RXYLT1: variants seen among roughly 807,000 people sequenced by gnomAD.
RXYLT1 encodes ribitol xylosyltransferase 1.
RXYLT1 carries 41 observed loss-of-function variants against 43.5 expected under a neutral mutation model. The observed-to-expected ratio is 0.94, with a 90% CI of 0.73 to 1.22. The LOEUF (loss-of-function observed/expected upper bound fraction) is 1.22, where lower values mean the gene tolerates loss of function less well. Among genes scored for constraint, RXYLT1 ranks in the 50% most tolerant of loss-of-function variants. The pLI, the probability that RXYLT1 is intolerant of heterozygous loss-of-function variation, is 0.00. For missense variants in RXYLT1, 514 were observed against 532.0 expected (o/e 0.97, Z 0.33); for synonymous variants, 166 against 194.4 (o/e 0.85, Z 1.21).
rs1340087199 is a variant in RXYLT1 at position 63,809,082 on chromosome 12, A to G, written c.1322A>G (p.Asn441Ser). ...TTAGAAAGCTCATTTTTAATGAATAATAAAAGTTAATTATCTTTTTGAGCT... is the reference window on the plus strand; with the variant it reads ...TTAGAAAGCTCATTTTTAATGAATAGTAAAAGTTAATTATCTTTTTGAGCT... ...NILESSFLMN[N>S]KS The change falls in exon 6 of 6, where the codon AAT becomes AGT. Residue 441 changes from asparagine (N) to serine (S), a missense_variant. Asn to Ser is a conservative substitution (Grantham distance 46). Coordinates refer to ENST00000261234, the MANE Select transcript of RXYLT1 (RefSeq NM_014254.3). 12 of 1,510,698 alleles carry G rather than the reference A, an allele frequency of 7.9e-6. No homozygotes were observed. The highest frequency in any genetic ancestry group is 1.1e-5 in the Non-Finnish European group (12 of 1,117,484). The allele number at this position is 1,510,698 out of a possible 1,614,324, so 93.6% of individuals were successfully genotyped here.
chr12:63,789,792 T>C (rs1289238574), intron 3 of RXYLT1, among the ~76,000 whole-genome samples: 1 of 152,220 alleles, frequency 6.6e-6, no homozygotes, highest in African/African-American at 2.4e-5. Context: ...CCAAAATTAA[T>C]AAACTTTTAT....
intron 3 of RXYLT1, among the ~76,000 whole-genome samples, chr12:63,798,641 G>C (rs1460365505): frequency 6.6e-6 from 1 of 152,176 alleles, no homozygotes; most frequent in Non-Finnish European, 1.5e-5. Context: ...GTTCAAAGCA[G>C]TACAGTTTCA....
chr12:63,802,237 A>G lies in RXYLT1; in HGVS notation c.575A>G (p.Lys192Arg). The G allele has an allele frequency of 6.2e-7, 1 of 1,614,078 alleles. No individual in the cohort carries two copies. The highest frequency in any genetic ancestry group is 8.5e-7 in the Non-Finnish European group (1 of 1,180,016). The change falls in exon 4 of 6, where the codon AAA becomes AGA. Residue 192 changes from lysine (K) to arginine (R), a missense_variant. By Grantham distance (26) the Lys-to-Arg change is conservative. Transcript: ENST00000261234. ...LYAQNLVQIQ[K>R]LQHLAVVLLG... Reference sequence around the variant, plus strand: ...GCACAAAATTTAGTGCAAATTCAAAAACTCCAGCATCTTGCTGTTGTTTTG... The same window carrying G: ...GCACAAAATTTAGTGCAAATTCAAAGACTCCAGCATCTTGCTGTTGTTTTG...
chr12:63,800,067 T>A (rs542754749), intron 3 of RXYLT1, among the ~76,000 whole-genome samples: 23 of 152,346 alleles, frequency 1.5e-4, no homozygotes, highest in African/African-American at 5.5e-4. Flanking sequence ...ATAAATCATA[T>A]GGTACATGCA....
Position 63,802,201 on chromosome 12 carries a change from G to A in RXYLT1, c.539G>A (p.Trp180Ter). ...EKAKIFYATQ[W>*]LLYAQNLVQI... The stretch of plus-strand genomic sequence containing the variant: ...GCAAAGATCTTTTATGCCACCCAGT[G>A]GTTACTTTATGCACAAAATTTAGTG... Residue 180 changes from tryptophan (W) to a stop codon, truncating the protein, a stop_gained, in exon 4 of 6, where the codon TGG becomes TAG. Coordinates refer to ENST00000261234, the MANE Select transcript of RXYLT1 (RefSeq NM_014254.3). LOFTEE classifies it high-confidence loss of function. The A allele has an allele frequency of 6.2e-7, 1 of 1,614,026 alleles. No individual in the cohort carries two copies. Among genetic ancestry groups the A allele is most frequent in the South Asian group, 1.1e-5 (1 of 91,068 alleles).
intron 3 of RXYLT1, among the ~76,000 whole-genome samples, chr12:63,792,821 CT>C (rs1289113480): frequency 6.6e-5 from 10 of 152,168 alleles, no homozygotes; most frequent in Non-Finnish European, 1.3e-4. Flanking sequence ...ATGGTCCTCC[CT>C]TTAACATGAT....
chr12:63,802,215 C>T lies in RXYLT1; in HGVS notation c.553C>T (p.Gln185Ter). The T allele has an allele frequency of 6.2e-7, 1 of 1,614,052 alleles. No homozygotes were observed. Among genetic ancestry groups the T allele is most frequent in the Non-Finnish European group, 8.5e-7 (1 of 1,179,998 alleles). Reference sequence around the variant, plus strand: ...TGCCACCCAGTGGTTACTTTATGCACAAAATTTAGTGCAAATTCAAAAACT... The same window carrying T: ...TGCCACCCAGTGGTTACTTTATGCATAAAATTTAGTGCAAATTCAAAAACT... ...FYATQWLLYA[Q>*]NLVQIQKLQH... The change falls in exon 4 of 6, where the codon CAA (glutamine) becomes TAA (stop). Residue 185 changes from glutamine to a stop codon, truncating the protein, a stop_gained. Coordinates refer to ENST00000261234, the MANE Select transcript of RXYLT1 (RefSeq NM_014254.3). LOFTEE classifies it high-confidence loss of function.
In RXYLT1 at chr12:63,780,136, C is replaced by G. The variant is rs1897641040; in HGVS notation, c.169+7C>G. The stretch of plus-strand genomic sequence containing the variant: ...CGGGAGAGACGCGGCCGAGGTAGGA[C>G]TGGGTCGGCGGCTTCCTTCCGGCTC... On this transcript the variant is annotated splice_region_variant and intron_variant, in intron 1 of 5. Coordinates refer to ENST00000261234, the MANE Select transcript of RXYLT1 (RefSeq NM_014254.3). The G allele has an allele frequency of 2.0e-6, 3 of 1,477,530 alleles. No homozygotes were observed. The highest frequency in any genetic ancestry group is 3.6e-4 in the Middle Eastern group (2 of 5,490). The allele number at this position is 1,477,530 out of a possible 1,614,324, so 91.5% of individuals were successfully genotyped here. A position where few individuals can be genotyped will look rare whatever the true frequency, so the allele number is the denominator to read the frequency against.
intron 3 of RXYLT1, among the ~76,000 whole-genome samples, chr12:63,785,630 A>G (rs1025194503): frequency 1.5e-4 from 23 of 152,054 alleles, no homozygotes; most frequent in Non-Finnish European, 3.1e-4. Context: ...CTATGACTGC[A>G]TATTTTCTGA....
chr12:63,796,882 A>G lies in RXYLT1; in HGVS notation c.429-5209A>G, dbSNP rs1422167283. Among the ~76,000 whole-genome samples the G allele has an allele frequency of 2.0e-5, 3 of 152,080 alleles. No individual in the cohort carries two copies. The South Asian group carries it at 6.2e-4, about 32-fold the overall frequency. Reference sequence around the variant, plus strand: ...ACTGCAATAGTCCTGTCGATAAAAAAAAGAAGAAATTGAGAAAATAAAAAA... The same window carrying G: ...ACTGCAATAGTCCTGTCGATAAAAAGAAGAAGAAATTGAGAAAATAAAAAA... On this transcript the variant is annotated intron_variant, in intron 3 of 5. Coordinates refer to ENST00000261234, the MANE Select transcript of RXYLT1 (RefSeq NM_014254.3).
rs377537561 is a variant in RXYLT1, at chr12:63,779,947, G to T, written c.-14G>T. ...CTCCATGGCGGTGGATGCCTGACTGGAAGCCCGAGTGGGATGCGGCTGACG... is the reference window on the plus strand; with the variant it reads ...CTCCATGGCGGTGGATGCCTGACTGTAAGCCCGAGTGGGATGCGGCTGACG... On this transcript the variant is annotated 5_prime_UTR_variant, in exon 1 of 6. Coordinates refer to ENST00000261234, the MANE Select transcript of RXYLT1 (RefSeq NM_014254.3). 1.0e-4 allele frequency: 167 copies of T among 1,610,112 alleles called. No individual in the cohort carries two copies. The highest frequency in any genetic ancestry group is 2.0e-4 in the Admixed American group (12 of 59,944).
chr12:63,780,268 C>G (rs1211016293), intron 1 of RXYLT1, 139 bp downstream of exon 1: 6 of 1,366,124 alleles, frequency 4.4e-6, no homozygotes, highest in Non-Finnish European at 5.6e-6. Context: ...CCCCTACAGC[C>G]TCTCGAGCCA....
chr12:63,784,032 T>C (rs1328755859), intron 2 of RXYLT1, among the ~76,000 whole-genome samples: 3 of 152,172 alleles, frequency 2.0e-5, no homozygotes, highest in South Asian at 4.1e-4. Flanking sequence ...TGAGATTACA[T>C]AGGGCCCACC....
chr12:63,804,607 C>T (rs1337831883), intron 4 of RXYLT1: 3 of 152,008 alleles, frequency 2.0e-5, no homozygotes, highest in Admixed American at 1.3e-4. Flanking sequence ...ATATTTACAA[C>T]GTAGAATGCT....
chr12:63,784,901 C>T, intron 2 of RXYLT1, 69 bp from the exon 3 acceptor site: 1 of 1,349,888 alleles, frequency 7.4e-7, no homozygotes, highest in Non-Finnish European at 1.0e-6. Context: ...AGAACGTAAA[C>T]TTGTCTCATG....
At chr12:63,783,323 T>C (rs763016315) in intron 2 of RXYLT1, among the ~76,000 whole-genome samples, 5 of 152,050 alleles carry the variant, frequency 3.3e-5, no homozygotes, top group African/African-American at 7.2e-5. Flanking sequence ...TAGCCAGACA[T>C]TGTGGCACGT....
intron 3 of RXYLT1, among the ~76,000 whole-genome samples, chr12:63,793,400 G>C (rs1200020524): frequency 1.3e-5 from 2 of 151,834 alleles, no homozygotes; most frequent in East Asian, 1.9e-4. Flanking sequence ...ACACTTGAAG[G>C]GTTCTCTGAT....
rs200481328 is a variant in RXYLT1, at chr12:63,779,957, T to C, written c.-4T>C. ...GTGGATGCCTGACTGGAAGCCCGAG[T>C]GGGATGCGGCTGACGCGGAAGCGGC... On this transcript the variant is annotated 5_prime_UTR_variant, in exon 1 of 6. Transcript: ENST00000261234. 8.9e-5 allele frequency: 143 copies of C among 1,610,030 alleles called. No individual in the cohort carries two copies. The East Asian group carries it at 2.9e-3, about 33-fold the overall frequency.
chr12:63,784,988 A>G lies in RXYLT1; in HGVS notation c.344A>G (p.His115Arg). 3.1e-6 allele frequency: 5 copies of G among 1,613,824 alleles called. No individual in the cohort carries two copies. The highest frequency in any genetic ancestry group is 2.5e-6 in the Non-Finnish European group (3 of 1,179,772). ...KAAIGLYLWE[H>R]IFEGLLDPSD... ...TTACCAGGCTTGTATCTCTGGGAGC[A>G]TATTTTTGAAGGCTTACTTGATCCC... Residue 115 changes from histidine (H) to arginine (R), a missense_variant, in exon 3 of 6, where the codon CAT becomes CGT. Physicochemically the swap from His to Arg is conservative, Grantham distance 29. Transcript: ENST00000261234.
Sources: gnomAD v4.1 joint callset for allele counts (sites outside exome capture counted in the v4.1 genomes callset) on GRCh38, gnomAD v4.1.1 for gene constraint, MANE v1.5 for transcripts, NCBI Gene and HGNC (gene_info 2026-07-23, HGNC 2026-07-21) for gene names.